Variants in MASP1 observed in about 807,000 individuals in gnomAD.
MASP1 encodes MBL associated serine protease 1.
Under a neutral mutation model 77.1 loss-of-function variants are expected in MASP1, and 59 were observed. That is an observed-to-expected ratio of 0.77 (90% confidence interval 0.62 to 0.95). The LOEUF is 0.95. Among genes scored for constraint, MASP1 ranks in the 40% least tolerant of loss-of-function variants. The pLI is 0.00. For synonymous variants in MASP1, 362 were observed against 354.5 expected, an observed-to-expected ratio of 1.02 and a Z score of -0.24; for missense variants, 885 against 912.9, an observed-to-expected ratio of 0.97 and a Z score of 0.39.
intron 1 of MASP1, chr3:187,291,407 C>T (rs1002792565): frequency 2.7e-5 from 17 of 624,162 alleles, no homozygotes; most frequent in Middle Eastern, 2.5e-4. Context: ...AGGATTTGCA[C>T]GAAGTCTCCC....
At chr3:187,265,504 G>A (rs891915310) in intron 2 of MASP1, among the ~76,000 whole-genome samples, 2 of 152,126 alleles carry the variant, frequency 1.3e-5, no homozygotes, top group Admixed American at 6.5e-5. Flanking sequence ...AGGCCCATGG[G>A]AAAATTTGAG....
intron 1 of MASP1, 37 bp from the exon 2 acceptor site, chr3:187,286,093 A>G: frequency 1.3e-6 from 2 of 1,495,340 alleles, no homozygotes; most frequent in Non-Finnish European, 1.9e-6. Flanking sequence ...TACATTTATA[A>G]ACACAGGCCC....
rs1715493499 is a variant in MASP1, at chr3:187,260,725, C to T, written c.547+16G>A. The T allele has an allele frequency of 1.9e-6, 3 of 1,614,176 alleles. No individual in the cohort carries two copies. The highest frequency in any genetic ancestry group is 1.7e-5 in the Admixed American group (1 of 60,008). On this transcript the variant is annotated intron_variant, in intron 4 of 10. Coordinates refer to ENST00000296280, the MANE Select transcript of MASP1 (RefSeq NM_139125.4). ...GGCCTATAAGGGCAATGCATACAAT[C>T]ATTGGTAGGCTCTACCTCGGCAGGT...
chr3:187,232,874 A>G (rs558532385), downstream of MASP1, among the ~76,000 whole-genome samples: 6 of 152,344 alleles, frequency 3.9e-5, no homozygotes, highest in South Asian at 1.2e-3. Context: ...TTCATTCTCA[A>G]TAGTGTAAAA....
intron 3 of MASP1, among the ~76,000 whole-genome samples, 188 bp downstream of exon 3, chr3:187,262,355 T>C (rs1715654471): frequency 6.6e-6 from 1 of 152,310 alleles, no homozygotes; most frequent in African/African-American, 2.4e-5. Flanking sequence ...TTGTAAAAGA[T>C]GAATTGCTGG....
At chr3:187,269,937 A>AATGGC (rs1553781847) in intron 2 of MASP1, among the ~76,000 whole-genome samples, 4 of 151,970 alleles carry the variant, frequency 2.6e-5, no homozygotes, top group East Asian at 3.9e-4. Context: ...TTCAAGCCTG[A>AATGGC]ACGGCTAATG....
Position 187,236,508 on chromosome 3 carries a change from T to A in MASP1, c.1363A>T (p.Asn455Tyr). 1 of 1,614,010 alleles carries A rather than the reference T, an allele frequency of 6.2e-7. No individual in the cohort carries two copies. The highest frequency in any genetic ancestry group is 8.5e-7 in the Non-Finnish European group (1 of 1,179,968). Residue 455 changes from asparagine (N) to tyrosine (Y), a missense_variant, in exon 11 of 11, where the codon AAT becomes TAT. Asn to Tyr is a moderately radical substitution (Grantham distance 143, BLOSUM62 -2). Transcript: ENST00000296280. The part of the protein sequence containing the change: ...SLVKRIIGGR[N>Y]AEPGLFPWQA... ...CACGGGAAGAGGCCAGGCTCAGCAT[T>A]TCGGCCCCCAATGATCCTCTTGACC...
chr3:187,288,910 C>T (rs7609662), intron 1 of MASP1, among the ~76,000 whole-genome samples: 25,663 of 152,138 alleles, frequency 0.17, 2,204 homozygotes, highest in African/African-American at 0.22. Context: ...CATCTCAAAA[C>T]GGTTTCAAAC....
At chr3:187,256,448 G>T in intron 5 of MASP1, 1 of 602,536 alleles carries the variant, frequency 1.7e-6, no homozygotes, top group Non-Finnish European at 2.9e-6. Context: ...TCCTCCTCAA[G>T]CCACCCTAGT....
At chr3:187,278,488 T>C (rs1024190909) in intron 2 of MASP1, among the ~76,000 whole-genome samples, 1 of 152,202 alleles carries the variant, frequency 6.6e-6, no homozygotes, top group Non-Finnish European at 1.5e-5. Context: ...CCTCTCTCCA[T>C]CACTGTCTCT....
In MASP1 at chr3:187,226,542, T is replaced by C. The variant is rs775359377; in HGVS notation, c.1442-22A>G. 6.5e-6 allele frequency: 10 copies of C among 1,537,108 alleles called. No individual in the cohort carries two copies. In the East Asian group the frequency reaches 1.9e-4, roughly 29 times the overall value. On this transcript the variant is annotated intron_variant, in intron 11 of 15. Transcript: ENST00000337774. Reference sequence around the variant, plus strand: ...GAGCCTGGGGAACAGAACACACGTCTCATCGTCCTGCACTACTGGGTCTTG... The same window carrying C: ...GAGCCTGGGGAACAGAACACACGTCCCATCGTCCTGCACTACTGGGTCTTG...
At chr3:187,230,794 T>C (rs892418370), downstream of MASP1, among the ~76,000 whole-genome samples, 2 of 152,184 alleles carry the variant, frequency 1.3e-5, no homozygotes, top group African/African-American at 4.8e-5. Flanking sequence ...TTCCAAAAGG[T>C]ATTCCATGAG....
intron 1 of MASP1, among the ~76,000 whole-genome samples, chr3:187,286,409 G>T (rs967883697): frequency 6.6e-6 from 1 of 152,156 alleles, no homozygotes; most frequent in Non-Finnish European, 1.5e-5. Context: ...TTTAACTCTT[G>T]ATTCTCTTTT....
At chr3:187,237,982 C>T (rs1271492650) in intron 10 of MASP1, among the ~76,000 whole-genome samples, 5 of 152,208 alleles carry the variant, frequency 3.3e-5, no homozygotes, top group Non-Finnish European at 7.3e-5. Flanking sequence ...CACCCCAGGC[C>T]AGATGTGAAC....
intron 2 of MASP1, among the ~76,000 whole-genome samples, chr3:187,278,488 T>A (rs1024190909): frequency 6.6e-6 from 1 of 152,202 alleles, no homozygotes; most frequent in Non-Finnish European, 1.5e-5. Context: ...CCTCTCTCCA[T>A]CACTGTCTCT....
intron 7 of MASP1, 92 bp from the exon 8 acceptor site, chr3:187,250,421 G>C (rs1714476890): frequency 4.0e-5 from 36 of 909,720 alleles, no homozygotes; most frequent in South Asian, 3.2e-4. Context: ...AGCTCCACAC[G>C]TGTCTTGATC....
At chr3:187,225,396 C>T (rs1456662966) in exon 13 of MASP1, 2 of 1,614,130 alleles carry the variant, frequency 1.2e-6, no homozygotes, top group Admixed American at 1.7e-5. Context: ...TCCAACAGCT[C>T]CACCAGAGCC....
At chr3:187,261,217 T>C (rs1258522467) in intron 3 of MASP1, among the ~76,000 whole-genome samples, 1 of 152,182 alleles carries the variant, frequency 6.6e-6, no homozygotes, top group Non-Finnish European at 1.5e-5. Flanking sequence ...ATGCATTCTG[T>C]TACTAGTCAC....
rs867356954 is a variant in MASP1, at chr3:187,221,058, A to G, written c.1886T>C (p.Met629Thr). ...ACCTTCCTTCTCCCCAGCACAGATC[A>G]TGTCCCTGGTCACTTTCTTCTTCAG... The change falls in exon 15 of 16, where the codon ATG (methionine) becomes ACG (threonine). Residue 629 changes from methionine to threonine, a missense_variant. Met to Thr is a moderately conservative substitution (Grantham distance 81). Coordinates refer to the MASP1 transcript ENST00000337774. 1.7e-5 allele frequency: 28 copies of G among 1,614,060 alleles called. No individual in the cohort carries two copies. The highest frequency in any genetic ancestry group is 1.7e-4 in the African/African-American group (13 of 75,032).
Sources: gnomAD v4.1 joint callset for allele counts (sites outside exome capture counted in the v4.1 genomes callset) on GRCh38, gnomAD v4.1.1 for gene constraint, MANE v1.5 for transcripts, NCBI Gene and HGNC (gene_info 2026-07-23, HGNC 2026-07-21) for gene names.